Variants in LRRC4C observed in about 807,000 individuals in gnomAD.
LRRC4C encodes the protein leucine rich repeat containing 4C, also known as leucine-rich repeat-containing protein 4C.
In LRRC4C, 5 loss-of-function variants were observed where a neutral mutation model predicts 33.6. The observed-to-expected ratio is 0.15, with a 90% CI of 0.08 to 0.31. LRRC4C has a LOEUF of 0.31. Ranked by LOEUF, LRRC4C falls within the 10% of genes least tolerant of loss-of-function variation. The pLI, the probability that LRRC4C is intolerant of heterozygous loss-of-function variation, is 1.00. For missense variants in LRRC4C, 560 were observed against 796.7 expected, an observed-to-expected ratio of 0.70 and a Z score of 3.58; for synonymous variants, 329 against 302.0, an observed-to-expected ratio of 1.09 and a Z score of -0.93.
At chr11:40,909,894 C>T (rs1956590556) in intron 2 of LRRC4C, among the ~76,000 whole-genome samples, 1 of 152,082 alleles carries the variant, frequency 6.6e-6, no homozygotes, top group Non-Finnish European at 1.5e-5. Context: ...TATGACAAGC[C>T]ACACTTTTAG....
rs534700854 is a variant in LRRC4C, at chr11:41,057,123, G to A, written c.-495-123400C>T. Among the ~76,000 whole-genome samples, 18 of 152,244 alleles carry A rather than the reference G, an allele frequency of 1.2e-4. 1 individual carries two copies. The East Asian group carries it at 3.3e-3, about 28-fold the overall frequency. The stretch of plus-strand genomic sequence containing the variant: ...TCTGTACTCTCAGGGGCCCAGAAAC[G>A]CCGCCCCCCATTCCCCGACCTTCGC... On this transcript the variant is annotated intron_variant, in intron 1 of 6. Coordinates refer to ENST00000528697, the MANE Select transcript of LRRC4C (RefSeq NM_001258419.2).
intron 3 of LRRC4C, among the ~76,000 whole-genome samples, chr11:40,392,086 T>C (rs966818284): frequency 1.3e-5 from 2 of 152,070 alleles, no homozygotes; most frequent in African/African-American, 2.4e-5. Flanking sequence ...TATGACATTC[T>C]GGGAAAGGCA....
chr11:40,938,219 T>A (rs897952862), intron 1 of LRRC4C, among the ~76,000 whole-genome samples: 1 of 152,168 alleles, frequency 6.6e-6, no homozygotes, highest in African/African-American at 2.4e-5. Context: ...TTCCTCCTGA[T>A]AAACAGCTAT....
chr11:41,216,184 C>A (rs1053309205), intron 1 of LRRC4C, among the ~76,000 whole-genome samples: 2 of 152,132 alleles, frequency 1.3e-5, no homozygotes, highest in Non-Finnish European at 2.9e-5. Context: ...TTAAAACAGG[C>A]TCATTTACCC....
chr11:40,978,435 T>A (rs898992490), intron 1 of LRRC4C, among the ~76,000 whole-genome samples: 1 of 152,174 alleles, frequency 6.6e-6, no homozygotes, highest in Non-Finnish European at 1.5e-5. Context: ...GAGACAATTT[T>A]GATTGTCATA....
At chr11:40,536,799 C>T (rs1246904287) in intron 3 of LRRC4C, among the ~76,000 whole-genome samples, 8 of 152,070 alleles carry the variant, frequency 5.3e-5, no homozygotes, top group Admixed American at 5.2e-4. Flanking sequence ...AAAAATATTG[C>T]TAAATTTCTC....
At chr11:40,893,171 CTT>C (rs1955794826) in intron 2 of LRRC4C, among the ~76,000 whole-genome samples, 1 of 152,006 alleles carries the variant, frequency 6.6e-6, no homozygotes, top group African/African-American at 2.4e-5. Flanking sequence ...GGAACTAAAA[CTT>C]TAAAAACTCA....
rs77683172 is a variant in LRRC4C at position 40,495,813 on chromosome 11, G to GTTTTTT, written c.-270+152323_-270+152328dup. On this transcript the variant is annotated intron_variant, in intron 3 of 6. Transcript: ENST00000528697. ...TTTTATTGAAGTTCTCAATAAACAT[G>GTTTTTT]TTTTTTTTTTTTTTTTTTTTTTTTT... is the stretch of plus-strand genomic sequence containing the variant. 2.8e-3 allele frequency among the ~76,000 whole-genome samples: 189 copies of GTTTTTT among 67,006 alleles called. 48 individuals are homozygous for GTTTTTT. The highest frequency in any genetic ancestry group is 3.6e-3 in the Non-Finnish European group (131 of 36,090). 44.0% of individuals were successfully genotyped at this position (67,006 alleles called of 152,430 possible).
intron 5 of LRRC4C, among the ~76,000 whole-genome samples, chr11:40,178,391 C>T (rs1283214097): frequency 1.3e-5 from 2 of 152,156 alleles, no homozygotes; most frequent in Non-Finnish European, 2.9e-5. Context: ...TAGAAACAAA[C>T]AACTGTATAC....
intron 3 of LRRC4C, among the ~76,000 whole-genome samples, chr11:40,577,169 T>A (rs950357102): frequency 2.0e-5 from 3 of 152,174 alleles, no homozygotes; most frequent in Non-Finnish European, 4.4e-5. Context: ...GAGAAGGATA[T>A]TTAGACGTTT....
At chr11:40,906,296 A>G (rs1453030488) in intron 2 of LRRC4C, among the ~76,000 whole-genome samples, 1 of 152,216 alleles carries the variant, frequency 6.6e-6, no homozygotes, top group Non-Finnish European at 1.5e-5. Context: ...GAATCACCTG[A>G]GGTCAGGAGT....
intron 1 of LRRC4C, among the ~76,000 whole-genome samples, chr11:41,168,088 A>C (rs1944809168): frequency 6.6e-6 from 1 of 152,086 alleles, no homozygotes; most frequent in South Asian, 2.1e-4. Context: ...TTCATTGACC[A>C]CCTATGAGCC....
At chr11:40,640,008 G>A (rs1456482954) in intron 3 of LRRC4C, among the ~76,000 whole-genome samples, 1 of 152,010 alleles carries the variant, frequency 6.6e-6, no homozygotes. Context: ...ATATATCAAG[G>A]AGATGCAATC....
intron 1 of LRRC4C, among the ~76,000 whole-genome samples, chr11:41,455,025 G>A (rs574759924): frequency 6.6e-6 from 1 of 151,950 alleles, no homozygotes; most frequent in Non-Finnish European, 1.5e-5. Flanking sequence ...GACAGCTAAG[G>A]CTTCATGAGA....
intron 5 of LRRC4C, among the ~76,000 whole-genome samples, chr11:40,218,618 G>GATCTATCTATCTATC (rs1554977102): frequency 5.6e-5 from 8 of 141,886 alleles, no homozygotes; most frequent in Non-Finnish European, 1.1e-4. Context: ...ATGTATGTAT[G>GATCTATCTATCTATC]TATGTATGTA....
At chr11:41,033,659 T>TG in intron 1 of LRRC4C, among the ~76,000 whole-genome samples, 2 of 152,204 alleles carry the variant, frequency 1.3e-5, no homozygotes, top group Non-Finnish European at 2.9e-5. Context: ...TGCCCAGAGT[T>TG]GTTTTAAGAC....
intron 2 of LRRC4C, among the ~76,000 whole-genome samples, chr11:40,857,207 T>A (rs1953832526): frequency 6.6e-6 from 1 of 152,182 alleles, no homozygotes; most frequent in African/African-American, 2.4e-5. Flanking sequence ...TTTTTAAAAA[T>A]TTAATTTCAA....
chr11:40,748,719 A>G (rs550437579), intron 2 of LRRC4C, among the ~76,000 whole-genome samples: 1 of 152,148 alleles, frequency 6.6e-6, no homozygotes, highest in African/African-American at 2.4e-5. Context: ...ATCTAACTAT[A>G]TGCTGCCTAC....
chr11:41,254,305 A>G (rs771507476), intron 1 of LRRC4C, among the ~76,000 whole-genome samples: 14 of 151,972 alleles, frequency 9.2e-5, no homozygotes, highest in South Asian at 4.1e-4. Context: ...TTCATTTTTC[A>G]AAGTCGGGAA....
Sources: allele counts gnomAD v4.1 joint callset (sites outside exome capture counted in the v4.1 genomes callset), GRCh38; gene constraint gnomAD v4.1.1; transcripts MANE v1.5; gene names NCBI Gene and HGNC (gene_info 2026-07-23, HGNC 2026-07-21).